C16orf74: variants seen among roughly 807,000 people sequenced by gnomAD.
C16orf74 encodes uncharacterized protein C16orf74.
A neutral mutation model predicts 6.5 loss-of-function variants in C16orf74; 10 were observed. The ratio of observed to expected loss-of-function variants is 1.54; its 90% CI spans 0.95 to 2.61. The LOEUF (loss-of-function observed/expected upper bound fraction) is 2.61. C16orf74 is among the 30% of genes most tolerant of loss of function. The pLI, the probability that C16orf74 is intolerant of heterozygous loss-of-function variation, is 0.00. For synonymous variants in C16orf74, 60 were observed against 42.5 expected, an observed-to-expected ratio of 1.41 and a Z score of -1.60; for missense variants, 141 against 105.9, an observed-to-expected ratio of 1.33 and a Z score of -1.45.
At chr16:85,727,964 CAAAA>C (rs59377902) in intron 2 of C16orf74, among the ~76,000 whole-genome samples, 27 of 75,786 alleles carry the variant, frequency 3.6e-4, no homozygotes, top group South Asian at 5.3e-4. Flanking sequence ...CCCTTCTCTA[CAAAA>C]AAAAAAAAAA....
chr16:85,749,749 T>G (rs569808508), intron 1 of C16orf74, among the ~76,000 whole-genome samples: 1 of 152,328 alleles, frequency 6.6e-6, no homozygotes, highest in African/African-American at 2.4e-5. Flanking sequence ...ATTTCAAGTC[T>G]CCAGAGGTGA....
At chr16:85,726,622 C>T (rs557000572) in intron 2 of C16orf74, among the ~76,000 whole-genome samples, 1 of 152,298 alleles carries the variant, frequency 6.6e-6, no homozygotes, top group African/African-American at 2.4e-5. Flanking sequence ...ACTCCTGGTT[C>T]AGCGGGGACT....
Position 85,725,006 on chromosome 16 carries a change from C to T in C16orf74, c.28+10184G>A, listed in dbSNP as rs1474410871. ...TGGCGCTTCGTCTCCCACCTGCTGG[C>T]CTCCCTCCTTTCGGAGGATATCAGG... On this transcript the variant is annotated intron_variant, in intron 2 of 3. Transcript: ENST00000284245. Among the ~76,000 whole-genome samples, 5 of 152,106 alleles carry T rather than the reference C, an allele frequency of 3.3e-5. No homozygotes were observed. In the East Asian group the frequency reaches 9.7e-4, roughly 30 times the overall value.
chr16:85,715,819 G>A (rs927058671), intron 2 of C16orf74, among the ~76,000 whole-genome samples: 1 of 152,134 alleles, frequency 6.6e-6, no homozygotes, highest in African/African-American at 2.4e-5. Context: ...AGGCTTGTTC[G>A]TGCCAAAAAC....
intron 1 of C16orf74, among the ~76,000 whole-genome samples, chr16:85,748,085 C>A (rs1429002800): frequency 3.6e-4 from 23 of 63,768 alleles, no homozygotes; most frequent in Admixed American, 3.1e-3. Flanking sequence ...GACTCCGTCT[C>A]AAAAAAATAT....
chr16:85,730,680 T>C (rs1011848058), intron 2 of C16orf74, among the ~76,000 whole-genome samples: 1 of 121,896 alleles, frequency 8.2e-6, no homozygotes. Context: ...TTAACCCCCA[T>C]ACAAGACAGG....
chr16:85,730,644 G>T (rs532783525), intron 2 of C16orf74, among the ~76,000 whole-genome samples: 1 of 124,722 alleles, frequency 8.0e-6, no homozygotes, highest in Admixed American at 1.1e-4. Flanking sequence ...CCCCAGTCCA[G>T]CCAACTGAAC....
chr16:85,734,409 C>T (rs2054221995), intron 2 of C16orf74, among the ~76,000 whole-genome samples: 1 of 152,160 alleles, frequency 6.6e-6, no homozygotes, highest in Non-Finnish European at 1.5e-5. Context: ...AACCACCTCT[C>T]CAGGTGGGTA....
rs557778840 is a variant in C16orf74, at chr16:85,740,597, C to A, written c.-18-5362G>T. On this transcript the variant is annotated intron_variant, in intron 1 of 3. Coordinates refer to ENST00000284245, the MANE Select transcript of C16orf74 (RefSeq NM_206967.3). Reference sequence around the variant, plus strand: ...GGCCCAGCTACTAGAGACGCTGAGGCAGAAGAATGGCGTGAACCCGGGAGG... The same window carrying A: ...GGCCCAGCTACTAGAGACGCTGAGGAAGAAGAATGGCGTGAACCCGGGAGG... Among the ~76,000 whole-genome samples the A allele has an allele frequency of 9.7e-3, 1,463 of 150,894 alleles. 6 individuals are homozygous for A. The highest frequency in any genetic ancestry group is 0.014 in the Non-Finnish European group (917 of 67,832).
chr16:85,747,371 G>C lies in C16orf74; in HGVS notation c.-19+3555C>G, dbSNP rs142633311. ...GGGGGCTGAGTTGGGAGGATCACCT[G>C]AGCCCAGGAGGTTGAGGCTGCAGTG... On this transcript the variant is annotated intron_variant, in intron 1 of 3. Coordinates refer to ENST00000284245, the MANE Select transcript of C16orf74 (RefSeq NM_206967.3). 1.6e-3 allele frequency among the ~76,000 whole-genome samples: 248 copies of C among 152,202 alleles called. 2 individuals are homozygous for C. The highest frequency in any genetic ancestry group is 5.7e-3 in the African/African-American group (236 of 41,532).
Position 85,710,184 on chromosome 16 carries a change from G to C in C16orf74, c.152C>G (p.Pro51Arg). The change falls in exon 3 of 4, where the codon CCG becomes CGG. Residue 51 changes from proline to arginine, a missense_variant. Pro to Arg is a moderately radical substitution (Grantham distance 103). Transcript: ENST00000284245. ...TPPTPTGMMLPRDLGSTVWLD... is the reference protein window; with the variant it reads ...TPPTPTGMMLRRDLGSTVWLD... ...CTCACCTGTGCTCCCCAAGTCCCTC[G>C]GCAGCATCATGCCCGTGGGGGTGGG... 1 of 1,472,064 alleles carries C rather than the reference G, an allele frequency of 6.8e-7. No individual in the cohort carries two copies. Among genetic ancestry groups the C allele is most frequent in the Non-Finnish European group, 8.9e-7 (1 of 1,121,796 alleles). 91.2% of individuals were successfully genotyped at this position (1,472,064 alleles called of 1,614,324 possible).
chr16:85,739,541 T>C (rs974913729), intron 1 of C16orf74, among the ~76,000 whole-genome samples: 2 of 152,236 alleles, frequency 1.3e-5, no homozygotes, highest in African/African-American at 2.4e-5. Context: ...TGCTGTTTAC[T>C]GTTGAGACTG....
chr16:85,738,326 AT>A (rs368313117), intron 1 of C16orf74, among the ~76,000 whole-genome samples: 200 of 135,582 alleles, frequency 1.5e-3, no homozygotes, highest in East Asian at 1.3e-3. Context: ...TGGCATTGGG[AT>A]TTTTTTTTTT....
chr16:85,750,799 C>T (rs2054429216), intron 1 of C16orf74, 127 bp downstream of exon 1: 1 of 152,196 alleles, frequency 6.6e-6, no homozygotes, highest in Admixed American at 6.5e-5. Flanking sequence ...CCCACCGACC[C>T]CCGGGCCGCG....
intron 2 of C16orf74, among the ~76,000 whole-genome samples, chr16:85,719,666 A>G (rs1184828686): frequency 6.6e-6 from 1 of 152,178 alleles, no homozygotes; most frequent in African/African-American, 2.4e-5. Context: ...AGTACCAAGA[A>G]GCAGGGTTTA....
chr16:85,741,453 C>T (rs1257186769), intron 1 of C16orf74, among the ~76,000 whole-genome samples: 1 of 152,086 alleles, frequency 6.6e-6, no homozygotes, highest in Non-Finnish European at 1.5e-5. Flanking sequence ...GGAGCAGCTC[C>T]AGCCAGGATT....
At chr16:85,720,952 G>A (rs1304741328) in intron 2 of C16orf74, among the ~76,000 whole-genome samples, 8 of 152,008 alleles carry the variant, frequency 5.3e-5, no homozygotes, top group South Asian at 2.1e-4. Flanking sequence ...TTAGCCAGCC[G>A]TGGTGGTGGG....
At chr16:85,736,662 T>G (rs1345056737) in intron 1 of C16orf74, among the ~76,000 whole-genome samples, 1 of 152,088 alleles carries the variant, frequency 6.6e-6, no homozygotes, top group Non-Finnish European at 1.5e-5. Flanking sequence ...CTCTGGAGCT[T>G]CCCCATTGCA....
rs140509454 is a variant in C16orf74 at position 85,737,230 on chromosome 16, C to T, written c.-18-1995G>A. On this transcript the variant is annotated intron_variant, in intron 1 of 3. Coordinates refer to ENST00000284245, the MANE Select transcript of C16orf74 (RefSeq NM_206967.3). ...GAGGTTTCCAGCTAGGCCTTTTATC[C>T]AGGGCCTTGCTGTTCCCAGAATGGC... Among the ~76,000 whole-genome samples the T allele has an allele frequency of 7.2e-5, 11 of 152,162 alleles. No homozygotes were observed. In the East Asian group the frequency reaches 1.9e-3, roughly 27 times the overall value.
Sources: allele counts gnomAD v4.1 joint callset (sites outside exome capture counted in the v4.1 genomes callset), GRCh38; gene constraint gnomAD v4.1.1; transcripts MANE v1.5; gene names NCBI Gene and HGNC (gene_info 2026-07-23, HGNC 2026-07-21).